Variants in ATXN7 observed in about 807,000 individuals in gnomAD.
ATXN7 encodes ataxin-7.
In ATXN7, 12 loss-of-function variants were observed where a neutral mutation model predicts 70.5. The observed-to-expected ratio is 0.17, with a 90% CI of 0.11 to 0.28. ATXN7 has a LOEUF of 0.28. ATXN7 is among the 10% of genes least tolerant of loss of function. The probability of loss-of-function intolerance (pLI) is 1.00; values close to 1 mark genes in which losing one functional copy is unlikely to be tolerated. For synonymous variants in ATXN7, 498 were observed against 448.7 expected (o/e 1.11, Z -1.39); for missense variants, 1,256 against 1,131.7 (o/e 1.11, Z -1.58).
Position 63,895,174 on chromosome 3 carries a change from T to C in ATXN7, c.-110-3225T>C, listed in dbSNP as rs115512813. Among the ~76,000 whole-genome samples the C allele has an allele frequency of 9.7e-3, 1,483 of 152,294 alleles. 20 individuals are homozygous for C. The highest frequency in any genetic ancestry group is 0.032 in the African/African-American group (1,338 of 41,568). ...AAACAAGACTGACTTGGTTTAGCCT[T>C]TTTTCTTTCGTTTATTGTGATTAGT... On this transcript the variant is annotated intron_variant, in intron 1 of 12. Transcript: ENST00000674280.
At chr3:63,965,636 A>G (rs2075209139) in intron 5 of ATXN7, among the ~76,000 whole-genome samples, 1 of 152,216 alleles carries the variant, frequency 6.6e-6, no homozygotes, top group Non-Finnish European at 1.5e-5. Flanking sequence ...AAATATGACC[A>G]TGTCCCCAGA....
chr3:63,995,792 C>G lies in ATXN7; in HGVS notation c.1970C>G (p.Ser657Cys). Residue 657 changes from serine to cysteine, a missense_variant, in exon 12 of 13, where the codon TCT becomes TGT. Coordinates refer to ENST00000674280, the MANE Select transcript of ATXN7 (RefSeq NM_001377405.1). ...SSSSSSPSTP[S>C]GLSSVPSSPM... ...TCATCCTCATCCCCTTCCACGCCCTCTGGCCTTTCCTCGGTTCCTTCCTCC... is the reference window on the plus strand; with the variant it reads ...TCATCCTCATCCCCTTCCACGCCCTGTGGCCTTTCCTCGGTTCCTTCCTCC... 1.2e-6 allele frequency: 2 copies of G among 1,614,246 alleles called. No individual in the cohort carries two copies. Among genetic ancestry groups the G allele is most frequent in the Non-Finnish European group, 1.7e-6 (2 of 1,180,056 alleles).
rs761561380 is a variant in ATXN7, at chr3:63,996,074, C to G, written c.2252C>G (p.Thr751Arg). 1 of 1,614,224 alleles carries G rather than the reference C, an allele frequency of 6.2e-7. No homozygotes were observed. Among genetic ancestry groups the G allele is most frequent in the Admixed American group, 1.7e-5 (1 of 60,024 alleles). ...HSGPPYPSTV[T>R]SSHSIGLNCV... ...GGGCCTCCCTACCCCTCAACGGTAA[C>G]ATCTTCCCATAGCATCGGCCTCAAC... The change falls in exon 12 of 13, where the codon ACA (threonine) becomes AGA (arginine). Residue 751 changes from threonine to arginine, a missense_variant. Thr to Arg is a moderately conservative substitution (Grantham distance 71). Coordinates refer to ENST00000674280, the MANE Select transcript of ATXN7 (RefSeq NM_001377405.1).
chr3:63,991,821 T>TG (rs548700890), intron 11 of ATXN7, among the ~76,000 whole-genome samples: 3 of 142,704 alleles, frequency 2.1e-5, no homozygotes, highest in Non-Finnish European at 4.6e-5. Flanking sequence ...GCCTTTCCTG[T>TG]AAAAAAAAAA....
At chr3:63,915,886 A>G (rs1430444692) in intron 4 of ATXN7, among the ~76,000 whole-genome samples, 1 of 151,836 alleles carries the variant, frequency 6.6e-6, no homozygotes, top group African/African-American at 2.4e-5. Context: ...TTCATTCACC[A>G]TGTTAGTCAG....
At chr3:63,866,072 G>A (rs998234257) in intron 1 of ATXN7, among the ~76,000 whole-genome samples, 4 of 151,710 alleles carry the variant, frequency 2.6e-5, no homozygotes, top group Admixed American at 6.6e-5. Flanking sequence ...TTAAATTTTC[G>A]TGAGATACTC....
chr3:63,883,338 A>T (rs1467866757), intron 1 of ATXN7, among the ~76,000 whole-genome samples: 1 of 152,224 alleles, frequency 6.6e-6, no homozygotes, highest in Non-Finnish European at 1.5e-5. Context: ...TTTTATTAGC[A>T]TAGTCCATTT....
At chr3:63,989,450 A>C (rs2075631976) in intron 9 of ATXN7, among the ~76,000 whole-genome samples, 1 of 152,186 alleles carries the variant, frequency 6.6e-6, no homozygotes, top group Non-Finnish European at 1.5e-5. Context: ...AGCATTTTGC[A>C]AATTACAGTC....
chr3:63,993,204 T>C (rs2075699655), intron 11 of ATXN7, among the ~76,000 whole-genome samples: 1 of 152,090 alleles, frequency 6.6e-6, no homozygotes, highest in Non-Finnish European at 1.5e-5. Flanking sequence ...TTGTCCTCTG[T>C]TGATTTGGGA....
intron 5 of ATXN7, among the ~76,000 whole-genome samples, chr3:63,976,824 C>T (rs890120227): frequency 6.6e-6 from 1 of 152,134 alleles, no homozygotes; most frequent in Non-Finnish European, 1.5e-5. Context: ...CACTCAAAGA[C>T]CTCATCAGTG....
chr3:63,910,288 CTG>C (rs1222019849), intron 2 of ATXN7, among the ~76,000 whole-genome samples: 1 of 152,172 alleles, frequency 6.6e-6, no homozygotes, highest in East Asian at 1.9e-4. Flanking sequence ...TGTTCTCACT[CTG>C]TAGTTTCAGG....
intron 6 of ATXN7, among the ~76,000 whole-genome samples, chr3:63,981,549 T>C (rs1036655617): frequency 6.6e-6 from 1 of 152,236 alleles, no homozygotes; most frequent in African/African-American, 2.4e-5. Context: ...AAGATTCATA[T>C]CTTTGTTAAT....
At chr3:63,901,797 A>G (rs1236379249) in intron 2 of ATXN7, 1 of 152,214 alleles carries the variant, frequency 6.6e-6, no homozygotes, top group African/African-American at 2.4e-5. Flanking sequence ...AACACAGTGG[A>G]ATATTATTTA....
At chr3:63,962,740 T>C (rs2075151211) in intron 5 of ATXN7, among the ~76,000 whole-genome samples, 1 of 151,938 alleles carries the variant, frequency 6.6e-6, no homozygotes, top group Non-Finnish European at 1.5e-5. Context: ...TAGTGAGCTT[T>C]AGAGAGTTAA....
chr3:63,954,040 A>G (rs1025435124), intron 5 of ATXN7, among the ~76,000 whole-genome samples: 8 of 151,970 alleles, frequency 5.3e-5, no homozygotes, highest in African/African-American at 1.7e-4. Flanking sequence ...ACATTCCACC[A>G]TTTTTTCAAG....
chr3:63,947,666 T>C (rs951932152), intron 4 of ATXN7, among the ~76,000 whole-genome samples: 6 of 152,118 alleles, frequency 3.9e-5, no homozygotes, highest in African/African-American at 7.2e-5. Context: ...GAACCAGGAT[T>C]CAGAGTGATA....
intron 1 of ATXN7, among the ~76,000 whole-genome samples, chr3:63,884,235 ACACAC>A (rs1559619578): frequency 7.2e-6 from 1 of 139,374 alleles, no homozygotes; most frequent in Non-Finnish European, 1.6e-5. Context: ...ACACACACAC[ACACAC>A]ATACTCTCAC....
chr3:63,930,784 C>T (rs749126692), intron 4 of ATXN7, among the ~76,000 whole-genome samples: 82 of 152,210 alleles, frequency 5.4e-4, no homozygotes, highest in South Asian at 1.2e-3. Flanking sequence ...CCCGCCTTGG[C>T]CTCTCAAAGT....
At chr3:63,966,789 C>T (rs1331418035) in intron 5 of ATXN7, among the ~76,000 whole-genome samples, 1 of 152,192 alleles carries the variant, frequency 6.6e-6, no homozygotes, top group Non-Finnish European at 1.5e-5. Context: ...TAATTCATGA[C>T]TTTTGCCAAA....
Sources: allele counts gnomAD v4.1 joint callset (sites outside exome capture counted in the v4.1 genomes callset), GRCh38; gene constraint gnomAD v4.1.1; transcripts MANE v1.5; gene names NCBI Gene and HGNC (gene_info 2026-07-23, HGNC 2026-07-21).